Variants in PID1 observed in about 807,000 individuals in gnomAD.
PID1 encodes phosphotyrosine interaction domain containing 1, also known as PTB-containing, cubilin and LRP1-interacting protein.
PID1 carries 10 observed loss-of-function variants against 19.1 expected under a neutral mutation model. The ratio of observed to expected loss-of-function variants is 0.52; its 90% confidence interval spans 0.32 to 0.89. The LOEUF (loss-of-function observed/expected upper bound fraction) is 0.89. Among genes scored for constraint, PID1 ranks in the 40% least tolerant of loss-of-function variants. The pLI is 0.03. For missense variants in PID1, 248 were observed against 285.3 expected (o/e 0.87, Z 0.94); for synonymous variants, 130 against 116.0 (o/e 1.12, Z -0.78).
At chr2:229,237,645 G>A (rs1019767888) in intron 1 of PID1, among the ~76,000 whole-genome samples, 40 of 152,146 alleles carry the variant, frequency 2.6e-4, no homozygotes, top group Non-Finnish European at 5.9e-5. Flanking sequence ...CTAAATAGGT[G>A]TTTTGCTTAA....
chr2:229,173,093 C>G (rs1690744046), intron 1 of PID1, among the ~76,000 whole-genome samples: 1 of 152,140 alleles, frequency 6.6e-6, no homozygotes. Flanking sequence ...AAGGAGCTCT[C>G]CATGTGAGCT....
At chr2:229,179,420 C>G (rs1690892052) in intron 1 of PID1, among the ~76,000 whole-genome samples, 1 of 151,814 alleles carries the variant, frequency 6.6e-6, no homozygotes, top group Admixed American at 6.6e-5. Flanking sequence ...GCTTCCCATT[C>G]AAAACACTAA....
rs191673725 is a variant in PID1, at chr2:229,199,497, T to C, written c.31-43533A>G. On this transcript the variant is annotated intron_variant, in intron 1 of 2. Coordinates refer to ENST00000392055, the MANE Select transcript of PID1 (RefSeq NM_001100818.2). ...TGGCCCGTGGCCAACTTTTAATAAA[T>C]GTGCCTTATTGTGGTGGCTACAGCA... Among the ~76,000 whole-genome samples, 21 of 152,092 alleles carry C rather than the reference T, an allele frequency of 1.4e-4. 1 individual carries two copies. The East Asian group carries it at 4.1e-3, about 29-fold the overall frequency.
chr2:229,194,443 AT>A (rs1197968681), intron 1 of PID1, among the ~76,000 whole-genome samples: 2 of 152,048 alleles, frequency 1.3e-5, no homozygotes, highest in African/African-American at 2.4e-5. Flanking sequence ...TTAAAAAAAA[AT>A]AAAAATCATT....
At chr2:229,138,137 G>T (rs1251579383) in intron 2 of PID1, among the ~76,000 whole-genome samples, 1 of 152,112 alleles carries the variant, frequency 6.6e-6, no homozygotes, top group Non-Finnish European at 1.5e-5. Flanking sequence ...AAATTTGCAG[G>T]TTCCACTGTC....
At chr2:229,065,558 A>G (rs10210045) in intron 2 of PID1, among the ~76,000 whole-genome samples, 151,535 of 152,230 alleles carry the variant, frequency 1, 75,429 homozygotes, top group Middle Eastern at 1. Context: ...CACACACACA[A>G]AGACACACAC....
intron 2 of PID1, among the ~76,000 whole-genome samples, chr2:229,101,091 T>A (rs753743811): frequency 6.6e-5 from 10 of 152,120 alleles, no homozygotes; most frequent in Non-Finnish European, 1.5e-4. Context: ...AATGGAAACT[T>A]GGGGAGGATG....
At chr2:229,268,120 G>A (rs532148975) in intron 1 of PID1, among the ~76,000 whole-genome samples, 240 of 152,346 alleles carry the variant, frequency 1.6e-3, no homozygotes, top group African/African-American at 5.4e-3. Flanking sequence ...GGGAGCAGAT[G>A]AACTTGCCTC....
chr2:229,091,863 T>G (rs11893224), intron 2 of PID1, among the ~76,000 whole-genome samples: 21,029 of 152,200 alleles, frequency 0.14, 2,366 homozygotes, highest in African/African-American at 0.31. Flanking sequence ...GATTTTTCAC[T>G]GCCATCTGTG....
At chr2:229,190,712 G>A (rs1358451816) in intron 1 of PID1, among the ~76,000 whole-genome samples, 2 of 152,120 alleles carry the variant, frequency 1.3e-5, no homozygotes, top group African/African-American at 4.8e-5. Flanking sequence ...TAATTTCCTA[G>A]GTATATCGGC....
intron 2 of PID1, among the ~76,000 whole-genome samples, chr2:229,048,632 G>T (rs1693930952): frequency 6.6e-6 from 1 of 152,174 alleles, no homozygotes; most frequent in African/African-American, 2.4e-5. Flanking sequence ...CTGCAGCTCT[G>T]GTGGGGTAGA....
At chr2:229,107,783 T>C (rs1464732856) in intron 2 of PID1, among the ~76,000 whole-genome samples, 2 of 152,216 alleles carry the variant, frequency 1.3e-5, no homozygotes, top group Admixed American at 6.5e-5. Context: ...ATGTGTTCTA[T>C]GGAACGGCAG....
intron 1 of PID1, among the ~76,000 whole-genome samples, chr2:229,258,664 C>G (rs1236273484): frequency 6.6e-6 from 1 of 152,058 alleles, no homozygotes; most frequent in Non-Finnish European, 1.5e-5. Flanking sequence ...GATGTTGATC[C>G]TGGCTAACAC....
intron 1 of PID1, among the ~76,000 whole-genome samples, chr2:229,254,463 C>T (rs1026874653): frequency 1.3e-5 from 2 of 152,150 alleles, no homozygotes; most frequent in Non-Finnish European, 1.5e-5. Flanking sequence ...AATTCCAGGG[C>T]CTTCAAGTTA....
At chr2:229,203,716 A>C (rs528031279) in intron 1 of PID1, among the ~76,000 whole-genome samples, 67 of 152,028 alleles carry the variant, frequency 4.4e-4, no homozygotes, top group African/African-American at 1.5e-3. Flanking sequence ...GTCTGCACAC[A>C]GGTGAGTCAT....
At chr2:229,250,341 T>A (rs1337621707) in intron 1 of PID1, among the ~76,000 whole-genome samples, 1 of 152,202 alleles carries the variant, frequency 6.6e-6, no homozygotes, top group Non-Finnish European at 1.5e-5. Flanking sequence ...TTTCAACACA[T>A]GCCATTGGAC....
chr2:229,146,115 G>A (rs6758997), intron 2 of PID1, among the ~76,000 whole-genome samples: 66,800 of 152,002 alleles, frequency 0.44, 15,151 homozygotes, highest in South Asian at 0.57. Flanking sequence ...ATTCTTTTTT[G>A]TGGCTGCATA....
chr2:229,094,259 A>T (rs556468706), intron 2 of PID1, among the ~76,000 whole-genome samples: 5 of 152,292 alleles, frequency 3.3e-5, no homozygotes, highest in African/African-American at 1.2e-4. Flanking sequence ...CTCTAAGAGA[A>T]TTACAAAACA....
chr2:229,130,287 G>A (rs1689703685), intron 2 of PID1, among the ~76,000 whole-genome samples: 2 of 152,138 alleles, frequency 1.3e-5, no homozygotes, highest in South Asian at 4.1e-4. Flanking sequence ...TCTCAGGGCA[G>A]GCAGAACTTT....
Sources: gnomAD v4.1 joint callset for allele counts (sites outside exome capture counted in the v4.1 genomes callset) on GRCh38, gnomAD v4.1.1 for gene constraint, MANE v1.5 for transcripts, NCBI Gene and HGNC (gene_info 2026-07-23, HGNC 2026-07-21) for gene names.